The following STK17A variants were observed in gnomAD, a reference collection of about 807,000 sequenced individuals.
STK17A encodes the protein serine/threonine kinase 17a, also known as serine/threonine-protein kinase 17A.
In STK17A, 26 loss-of-function variants were observed where a neutral mutation model predicts 43.7. The observed-to-expected ratio is 0.60, with a 90% CI of 0.44 to 0.83. STK17A has a LOEUF of 0.83. Among genes scored for constraint, STK17A ranks in the 40% least tolerant of loss-of-function variants. The pLI, the probability that STK17A is intolerant of heterozygous loss-of-function variation, is 0.00. For synonymous variants in STK17A, 191 were observed against 182.5 expected, an observed-to-expected ratio of 1.05 and a Z score of -0.38; for missense variants, 476 against 511.6, an observed-to-expected ratio of 0.93 and a Z score of 0.67.
chr7:43,621,054 GA>G (rs1006093815), intron 4 of STK17A, among the ~76,000 whole-genome samples: 1 of 152,142 alleles, frequency 6.6e-6, no homozygotes, highest in Admixed American at 6.5e-5. Context: ...GATGTTACAA[GA>G]AAAGAGCTAT....
chr7:43,617,917 G>A (rs1195528707), intron 3 of STK17A, among the ~76,000 whole-genome samples: 2 of 152,194 alleles, frequency 1.3e-5, no homozygotes, highest in Non-Finnish European at 2.9e-5. Context: ...TTTTGTCATG[G>A]GAGCCAAGAG....
rs1323270333 is a variant in STK17A at position 43,587,394 on chromosome 7, G to C, written c.206+3945G>C. Among the ~76,000 whole-genome samples the C allele has an allele frequency of 2.6e-5, 4 of 151,314 alleles. 1 individual carries two copies. Among genetic ancestry groups the C allele is most frequent in the South Asian group, 2.1e-4 (1 of 4,832 alleles). ...TCTACATTGGAACAAACATGACCAA[G>C]CTTCAGTGTCATATAGTTAAGTTCC... On this transcript the variant is annotated intron_variant, in intron 1 of 6. Coordinates refer to ENST00000319357, the MANE Select transcript of STK17A (RefSeq NM_004760.3).
At chr7:43,592,585 C>T (rs1012157124) in intron 1 of STK17A, among the ~76,000 whole-genome samples, 2 of 151,432 alleles carry the variant, frequency 1.3e-5, no homozygotes, top group African/African-American at 4.9e-5. Context: ...CATGGTGGCT[C>T]ATGCCTACAA....
chr7:43,623,958 A>C, intron 6 of STK17A, 70 bp downstream of exon 6: 4 of 1,157,474 alleles, frequency 3.5e-6, no homozygotes, highest in Non-Finnish European at 4.5e-6. Context: ...TAAAAAACTG[A>C]CAGTTTTTTC....
intron 2 of STK17A, among the ~76,000 whole-genome samples, chr7:43,603,455 G>T (rs1230380814): frequency 6.6e-6 from 1 of 152,130 alleles, no homozygotes; most frequent in East Asian, 1.9e-4. Flanking sequence ...CATATAAAAA[G>T]TGAAAAAACA....
At chr7:43,592,991 A>G (rs953416233) in intron 1 of STK17A, among the ~76,000 whole-genome samples, 9 of 152,242 alleles carry the variant, frequency 5.9e-5, no homozygotes, top group African/African-American at 1.9e-4. Flanking sequence ...ATATTGGGTC[A>G]TGGTGAAGTC....
intron 1 of STK17A, among the ~76,000 whole-genome samples, chr7:43,585,011 A>T (rs2082428855): frequency 1.3e-5 from 2 of 152,226 alleles, no homozygotes; most frequent in African/African-American, 4.8e-5. Context: ...AGCCTGGCCA[A>T]CATGGTGAAA....
intron 1 of STK17A, among the ~76,000 whole-genome samples, chr7:43,587,394 G>T (rs1323270333): frequency 6.6e-6 from 1 of 151,314 alleles, no homozygotes; most frequent in African/African-American, 2.4e-5. Context: ...ACATGACCAA[G>T]CTTCAGTGTC....
intron 2 of STK17A, among the ~76,000 whole-genome samples, chr7:43,600,522 C>T (rs2082547878): frequency 6.6e-6 from 1 of 152,094 alleles, no homozygotes; most frequent in Non-Finnish European, 1.5e-5. Flanking sequence ...CACAGACATA[C>T]ATGAATGTAA....
chr7:43,594,895 G>GA lies in STK17A; in HGVS notation c.207-1003dup, dbSNP rs984210477. ...TCTCTTAAAAAAAAAAAAAAAGAAA[G>GA]AAAGAAAAGAAAAGAAAAATGAAAC... On this transcript the variant is annotated intron_variant, in intron 1 of 6. Transcript: ENST00000319357. Among the ~76,000 whole-genome samples, 13 of 134,086 alleles carry GA rather than the reference G, an allele frequency of 9.7e-5. No individual in the cohort carries two copies. In the East Asian group the frequency reaches 1.0e-3, roughly 10 times the overall value. 88.0% of individuals were successfully genotyped at this position (134,086 alleles called of 152,430 possible).
chr7:43,602,960 A>G (rs2082565424), intron 2 of STK17A, among the ~76,000 whole-genome samples: 1 of 152,094 alleles, frequency 6.6e-6, no homozygotes, highest in Non-Finnish European at 1.5e-5. Context: ...TCTTTTGTTT[A>G]GTATCCCCAT....
At chr7:43,600,767 A>T (rs987612810) in intron 2 of STK17A, among the ~76,000 whole-genome samples, 1 of 152,186 alleles carries the variant, frequency 6.6e-6, no homozygotes, top group African/African-American at 2.4e-5. Flanking sequence ...ATGGTACATA[A>T]TGGGGTCTCA....
At chr7:43,610,346 CAAAAAAA>C (rs138859141) in intron 3 of STK17A, among the ~76,000 whole-genome samples, 2 of 41,314 alleles carry the variant, frequency 4.8e-5, no homozygotes, top group African/African-American at 1.1e-4. Flanking sequence ...GACTCCGTCT[CAAAAAAA>C]AAAAAAAAAA....
intron 1 of STK17A, among the ~76,000 whole-genome samples, chr7:43,595,267 CT>C (rs57811536): frequency 0.11 from 9,954 of 88,498 alleles, 358 homozygotes; most frequent in Middle Eastern, 0.16. Flanking sequence ...AATCAAATGG[CT>C]TTTTTTTTTT....
chr7:43,596,051 T>C lies in STK17A; in HGVS notation c.357T>C (p.Pro119=), dbSNP rs768521223. The C allele has an allele frequency of 1.6e-5, 26 of 1,613,642 alleles. No individual in the cohort carries two copies. In the African/African-American group the frequency reaches 3.2e-4, roughly 20 times the overall value. The change falls in exon 2 of 7, where the codon CCT becomes CCC. Residue 119 remains proline (P), a synonymous_variant. Transcript: ENST00000319357. ...TACTTGAACTAGCACAAGACAATCC[T>C]TGGGTCATTAATTTACATGAAGTTT... is the stretch of plus-strand genomic sequence containing the variant. ...IAVLELAQDN[P]WVINLHEVYE...
chr7:43,612,991 C>T (rs2083015103), intron 3 of STK17A, among the ~76,000 whole-genome samples: 1 of 152,168 alleles, frequency 6.6e-6, no homozygotes, highest in African/African-American at 2.4e-5. Context: ...ACAAAACCAA[C>T]TAAAAGTACC....
At chr7:43,603,488 A>G (rs2082569021) in intron 2 of STK17A, among the ~76,000 whole-genome samples, 1 of 152,200 alleles carries the variant, frequency 6.6e-6, no homozygotes, top group Non-Finnish European at 1.5e-5. Flanking sequence ...TCCAGGTGCT[A>G]AAAGTCTAGC....
chr7:43,624,664 C>G lies in STK17A; in HGVS notation c.1067C>G (p.Thr356Ser). The G allele has an allele frequency of 6.2e-7, 1 of 1,614,008 alleles. No individual in the cohort carries two copies. ...TCTGTGCCTGAAATTAATTCGGATA[C>G]CGACAAATCAGAAACCAAGGAATCC... is the stretch of plus-strand genomic sequence containing the variant. ...GHSVPEINSD[T>S]DKSETKESIV... The change falls in exon 7 of 7, where the codon ACC (threonine) becomes AGC (serine). Residue 356 changes from threonine (T) to serine (S), a missense_variant. By Grantham distance (58) the Thr-to-Ser change is moderately conservative. Transcript: ENST00000319357.
At chr7:43,612,426 T>G (rs2082960832) in intron 3 of STK17A, among the ~76,000 whole-genome samples, 1 of 152,256 alleles carries the variant, frequency 6.6e-6, no homozygotes, top group Admixed American at 6.5e-5. Context: ...CGACAGTGTG[T>G]GCTCATAATG....
Sources: gnomAD v4.1 joint callset for allele counts (sites outside exome capture counted in the v4.1 genomes callset) on GRCh38, gnomAD v4.1.1 for gene constraint, MANE v1.5 for transcripts, NCBI Gene and HGNC (gene_info 2026-07-23, HGNC 2026-07-21) for gene names.